Variants in PSME4 observed in about 807,000 individuals in gnomAD.
PSME4 encodes the protein proteasome activator subunit 4.
PSME4 carries 89 observed loss-of-function variants against 253.9 expected under a neutral mutation model. That is an observed-to-expected ratio of 0.35 (90% CI 0.30 to 0.42). The LOEUF (loss-of-function observed/expected upper bound fraction) is 0.42, where lower values mean the gene tolerates loss of function less well. Among genes scored for constraint, PSME4 ranks in the 10% least tolerant of loss-of-function variants. The pLI, the probability that PSME4 is intolerant of heterozygous loss-of-function variation, is 1.00. For synonymous variants in PSME4, 851 were observed against 759.2 expected, an observed-to-expected ratio of 1.12 and a Z score of -1.99; for missense variants, 2,014 against 2,195.2, an observed-to-expected ratio of 0.92 and a Z score of 1.65.
At chr2:53,940,956 TATATATATA>T in intron 3 of PSME4, among the ~76,000 whole-genome samples, 1 of 38,272 alleles carries the variant, frequency 2.6e-5, no homozygotes, top group African/African-American at 7.0e-5. Context: ...TATATACATA[TATATATATA>T]TATATATATA....
intron 1 of PSME4, among the ~76,000 whole-genome samples, chr2:53,956,713 C>A (rs944171570): frequency 6.6e-6 from 1 of 151,618 alleles, no homozygotes; most frequent in African/African-American, 2.4e-5. Context: ...GCTGGAATTA[C>A]AGGAGCCCAC....
At chr2:53,916,620 T>C (rs1668075568) in intron 20 of PSME4, among the ~76,000 whole-genome samples, 1 of 152,232 alleles carries the variant, frequency 6.6e-6, no homozygotes, top group Non-Finnish European at 1.5e-5. Context: ...ATTACTGTAT[T>C]AGTTTTTTCA....
At chr2:53,903,488 G>A (rs1261025320) in intron 27 of PSME4, among the ~76,000 whole-genome samples, 5 of 151,966 alleles carry the variant, frequency 3.3e-5, no homozygotes, top group Admixed American at 2.6e-4. Flanking sequence ...CATCCCCATA[G>A]GATGTAGTAT....
chr2:53,967,639 G>A lies in PSME4; in HGVS notation c.242+2904C>T, dbSNP rs183721459. On this transcript the variant is annotated intron_variant, in intron 1 of 46. Transcript: ENST00000404125. ...CTATCTTGTGTCTGGGCAACAGAGT[G>A]AGATTGTCTCAAAAAAAAAAAAAAA... Among the ~76,000 whole-genome samples the A allele has an allele frequency of 6.7e-4, 55 of 82,434 alleles. No homozygotes were observed. The East Asian group carries it at 0.022, about 32-fold the overall frequency. The allele number at this position is 82,434 out of a possible 152,430, so 54.1% of individuals were successfully genotyped here. A position where few individuals can be genotyped will look rare whatever the true frequency, so the allele number is the denominator to read the frequency against.
At chr2:53,882,849 C>T (rs1170982869) in intron 41 of PSME4, among the ~76,000 whole-genome samples, 1 of 151,650 alleles carries the variant, frequency 6.6e-6, no homozygotes, top group Non-Finnish European at 1.5e-5. Context: ...GAGCTACTGG[C>T]CTGACTCTAC....
chr2:53,921,955 G>T (rs1050675034), intron 17 of PSME4, among the ~76,000 whole-genome samples: 1 of 151,036 alleles, frequency 6.6e-6, no homozygotes, highest in Non-Finnish European at 1.5e-5. Flanking sequence ...GGCGGATCAC[G>T]AGGTCAGGAC....
At chr2:53,940,832 C>T (rs115670318) in intron 3 of PSME4, among the ~76,000 whole-genome samples, 4,593 of 125,546 alleles carry the variant, frequency 0.037, 98 homozygotes, top group Non-Finnish European at 0.053. Context: ...AAATAAAATT[C>T]CCCAAATCTC....
intron 43 of PSME4, among the ~76,000 whole-genome samples, chr2:53,871,534 A>G (rs1573186505): frequency 1.3e-5 from 2 of 151,994 alleles, no homozygotes; most frequent in African/African-American, 2.4e-5. Flanking sequence ...GATTACAGGC[A>G]TGAGCCACCA....
At position 53,898,214 on chromosome 2, in the gene PSME4, C is replaced by T. The variant is rs1226719409; in HGVS notation, c.3476+87G>A. On this transcript the variant is annotated intron_variant, in intron 30 of 46. Coordinates refer to ENST00000404125, the MANE Select transcript of PSME4 (RefSeq NM_014614.3). ...CAAACCGGAATATAACTTTTTGTGACATAGTCATTCATAGCCTTCCATGTA... is the reference window on the plus strand; with the variant it reads ...CAAACCGGAATATAACTTTTTGTGATATAGTCATTCATAGCCTTCCATGTA... 16 of 1,296,434 alleles carry T rather than the reference C, an allele frequency of 1.2e-5. No homozygotes were observed. The East Asian group carries it at 3.6e-4, about 29-fold the overall frequency. The allele number at this position is 1,296,434 out of a possible 1,614,324, so 80.3% of individuals were successfully genotyped here.
At chr2:53,953,280 G>C (rs1670081954) in intron 1 of PSME4, among the ~76,000 whole-genome samples, 1 of 151,906 alleles carries the variant, frequency 6.6e-6, no homozygotes, top group South Asian at 2.1e-4. Flanking sequence ...ACCATTAAAA[G>C]TAAAAAGCCC....
At chr2:53,872,724 A>T (rs1399712791) in intron 43 of PSME4, among the ~76,000 whole-genome samples, 2 of 146,262 alleles carry the variant, frequency 1.4e-5, no homozygotes, top group African/African-American at 5.1e-5. Flanking sequence ...CCTGGACAAC[A>T]AAGCAAGACT....
chr2:53,940,949 A>ACATATT (rs1669387186), intron 3 of PSME4, among the ~76,000 whole-genome samples: 1 of 13,228 alleles, frequency 7.6e-5, no homozygotes, highest in Non-Finnish European at 1.3e-4. Flanking sequence ...AAATATATAT[A>ACATATT]TACATATATA....
chr2:53,893,919 G>A, intron 34 of PSME4, 120 bp from the exon 35 acceptor site: 2 of 1,371,488 alleles, frequency 1.5e-6, no homozygotes, highest in African/African-American at 3.0e-5. Flanking sequence ...TTGTTTCCAT[G>A]AATTCTTAGT....
intron 1 of PSME4, among the ~76,000 whole-genome samples, chr2:53,952,562 T>G (rs1670048530): frequency 6.6e-6 from 1 of 152,000 alleles, no homozygotes; most frequent in Admixed American, 6.6e-5. Context: ...AACAGAAAGA[T>G]TCCAGATGCC....
At chr2:53,902,344 A>G (rs1680442002) in intron 27 of PSME4, among the ~76,000 whole-genome samples, 1 of 152,186 alleles carries the variant, frequency 6.6e-6, no homozygotes. Context: ...ATTAACCACA[A>G]TGATTCTGAT....
intron 5 of PSME4, 57 bp downstream of exon 5, chr2:53,937,334 C>G (rs1669171204): frequency 7.1e-7 from 1 of 1,413,648 alleles, no homozygotes. Context: ...TTACTAGTTT[C>G]TTTATCTGTA....
chr2:53,970,765 G>T lies in PSME4; in HGVS notation c.20C>A (p.Ala7Glu). ...CGGCTCCGGGGGCTCTCCGACTCCC[G>T]CCCGCTCGGCCGGCTCCATGAGCCC... MEPAER[A>E]GVGEPPEPGG... Residue 7 changes from alanine (A) to glutamate (E), a missense_variant, in exon 1 of 47, where the codon GCG (alanine) becomes GAG (glutamate). By Grantham distance (107) the Ala-to-Glu change is moderately radical. Transcript: ENST00000404125. The T allele has an allele frequency of 6.5e-7, 1 of 1,542,802 alleles. No individual in the cohort carries two copies. Among genetic ancestry groups the T allele is most frequent in the Non-Finnish European group, 8.7e-7 (1 of 1,144,504 alleles).
chr2:53,890,377 C>T (rs1679850881), intron 36 of PSME4, among the ~76,000 whole-genome samples, 169 bp from the exon 37 acceptor site: 2 of 152,114 alleles, frequency 1.3e-5, no homozygotes, highest in Admixed American at 6.5e-5. Context: ...AATGATCATA[C>T]CTCGATGTAG....
At chr2:53,915,441 A>C (rs1174704269) in intron 20 of PSME4, among the ~76,000 whole-genome samples, 3 of 148,918 alleles carry the variant, frequency 2.0e-5, no homozygotes, top group Admixed American at 6.7e-5. Flanking sequence ...CTCTATCTCA[A>C]AAAAAAAAAG....
Sources: gnomAD v4.1 joint callset for allele counts (sites outside exome capture counted in the v4.1 genomes callset) on GRCh38, gnomAD v4.1.1 for gene constraint, MANE v1.5 for transcripts, NCBI Gene and HGNC (gene_info 2026-07-23, HGNC 2026-07-21) for gene names.